CP: variants seen among roughly 807,000 people sequenced by gnomAD.
The protein encoded by CP is caeruloplasmin.
In CP, 64 loss-of-function variants were observed where a neutral mutation model predicts 122.4. The observed-to-expected ratio is 0.52, with a 90% CI of 0.43 to 0.64. The LOEUF (loss-of-function observed/expected upper bound fraction) is 0.64. Ranked by LOEUF, CP falls within the 30% of genes least tolerant of loss-of-function variation. CP has a pLI of 0.00. For missense variants in CP, 1,167 were observed against 1,284.4 expected (o/e 0.91, Z 1.40); for synonymous variants, 440 against 436.4 (o/e 1.01, Z -0.10).
At position 149,221,775 on chromosome 3, in the gene CP, A is replaced by G. The variant is rs199779396; in HGVS notation, c.18T>C (p.Leu6=). Residue 6 remains leucine, a synonymous_variant, in exon 1 of 19, where the codon CTT becomes CTC. Transcript: ENST00000264613. MKILI[L]GIFLFLCSTP... The stretch of plus-strand genomic sequence containing the variant: ...TACTACATAAAAACAGAAAAATACC[A>G]AGTATCAAAATCTTCATTTTTTTCC... 4 of 1,613,802 alleles carry G rather than the reference A, an allele frequency of 2.5e-6. No individual in the cohort carries two copies. The highest frequency in any genetic ancestry group is 1.7e-6 in the Non-Finnish European group (2 of 1,179,788).
In CP at chr3:149,207,448, A is replaced by G; in HGVS notation, c.951T>C (p.Phe317=). The G allele has an allele frequency of 6.2e-7, 1 of 1,614,022 alleles. No individual in the cohort carries two copies. The highest frequency in any genetic ancestry group is 8.5e-7 in the Non-Finnish European group (1 of 1,179,884). Residue 317 remains phenylalanine (F), a synonymous_variant, in exon 5 of 19, where the codon TTT becomes TTC. Coordinates refer to ENST00000264613, the MANE Select transcript of CP (RefSeq NM_000096.4). Reference sequence around the variant, plus strand: ...TATAAGCATCAAACAGGGTAGCAGGAAAGAGGTTGATTGTGTCAATACGGT... The same window carrying G: ...TATAAGCATCAAACAGGGTAGCAGGGAAGAGGTTGATTGTGTCAATACGGT... ...KNYRIDTINL[F]PATLFDAYMV...
At chr3:149,187,123 A>G (rs2108241546) in intron 10 of CP, among the ~76,000 whole-genome samples, 1 of 152,260 alleles carries the variant, frequency 6.6e-6, no homozygotes, top group South Asian at 2.1e-4. Context: ...GCTGTTCTAG[A>G]TTTAAAAAAA....
chr3:149,199,526 C>G (rs1445604222), intron 8 of CP, among the ~76,000 whole-genome samples, 186 bp downstream of exon 8: 6 of 152,142 alleles, frequency 3.9e-5, no homozygotes, highest in Admixed American at 3.9e-4. Flanking sequence ...TAAGGCAGGA[C>G]AAAATTCCGT....
At chr3:149,198,330 G>T (rs536243267) in intron 9 of CP, 37 bp downstream of exon 9, 6 of 1,502,910 alleles carry the variant, frequency 4.0e-6, no homozygotes, top group Non-Finnish European at 5.6e-6. Flanking sequence ...CATTTTCAAA[G>T]AGATTGAACA....
chr3:149,207,322 C>A (rs1312593993), intron 5 of CP, 41 bp downstream of exon 5: 20 of 1,613,270 alleles, frequency 1.2e-5, no homozygotes, highest in Non-Finnish European at 1.6e-5. Flanking sequence ...CAGTAACCAC[C>A]TTTTTCAGCT....
intron 4 of CP, 120 bp downstream of exon 4, chr3:149,209,091 C>A: frequency 7.7e-7 from 1 of 1,294,548 alleles, no homozygotes; most frequent in Admixed American, 2.0e-5. Context: ...ATCCAATATG[C>A]TTTGTTATAA....
At chr3:149,181,874 C>A in intron 14 of CP, 131 bp downstream of exon 14, 1 of 1,031,666 alleles carries the variant, frequency 9.7e-7, no homozygotes, top group Admixed American at 1.9e-5. Flanking sequence ...CAGACACCTC[C>A]TTGCATCCCC....
chr3:149,174,817 A>C (rs1422093640), intron 18 of CP, among the ~76,000 whole-genome samples: 1 of 152,166 alleles, frequency 6.6e-6, no homozygotes, highest in Non-Finnish European at 1.5e-5. Flanking sequence ...TTTTTTATTC[A>C]GTCTGCTGCT....
At chr3:149,190,295 G>T (rs188384255) in intron 9 of CP, among the ~76,000 whole-genome samples, 279 of 152,220 alleles carry the variant, frequency 1.8e-3, no homozygotes, top group Admixed American at 3.5e-3. Context: ...TGCAATTAAT[G>T]TGATCTACTG....
At chr3:149,165,158 C>T (rs1323301698) in intron 5 of CP, among the ~76,000 whole-genome samples, 1 of 152,102 alleles carries the variant, frequency 6.6e-6, no homozygotes, top group Admixed American at 6.6e-5. Context: ...AGATTTTGTT[C>T]ATTTCACGAA....
chr3:149,205,086 C>T (rs992100776), intron 6 of CP, among the ~76,000 whole-genome samples: 2 of 151,180 alleles, frequency 1.3e-5, no homozygotes, highest in African/African-American at 4.9e-5. Flanking sequence ...ACACAAATGA[C>T]CAAAAAGTAC....
chr3:149,191,524 G>A (rs1485491217), intron 9 of CP, among the ~76,000 whole-genome samples: 1 of 144,348 alleles, frequency 6.9e-6, no homozygotes, highest in Non-Finnish European at 1.5e-5. Context: ...CATACTTAGT[G>A]GTAAAATAAA....
chr3:149,182,878 T>TAGTG (rs1262953771), intron 13 of CP, among the ~76,000 whole-genome samples: 1 of 152,124 alleles, frequency 6.6e-6, no homozygotes, highest in Admixed American at 6.6e-5. Flanking sequence ...GGGCCAGGTG[T>TAGTG]AGTGCCTCAC....
rs1316808105 is a variant in CP at position 149,186,327 on chromosome 3, G to A, written c.2077+193C>T. ...GTTCTTTTACTCCACATTGTCCTCA[G>A]TAACTAGGAAACAGACCTATCTGGT... On this transcript the variant is annotated intron_variant, in intron 11 of 18. Coordinates refer to ENST00000264613, the MANE Select transcript of CP (RefSeq NM_000096.4). 6.4e-6 allele frequency: 4 copies of A among 625,562 alleles called. No individual in the cohort carries two copies. The East Asian group carries it at 1.1e-4, about 17-fold the overall frequency. 38.8% of individuals were successfully genotyped at this position (625,562 alleles called of 1,614,324 possible).
downstream of CP, among the ~76,000 whole-genome samples, chr3:149,168,899 G>C (rs1330812267): frequency 6.6e-6 from 1 of 151,932 alleles, no homozygotes; most frequent in Admixed American, 6.6e-5. Context: ...TTACACCTCA[G>C]CATCATCATT....
chr3:149,198,536 A>G lies in CP; in HGVS notation c.1544T>C (p.Phe515Ser), dbSNP rs747715724. 9.3e-6 allele frequency: 15 copies of G among 1,613,988 alleles called. No individual in the cohort carries two copies. The highest frequency in any genetic ancestry group is 2.2e-5 in the East Asian group (1 of 44,890). ...SASHVAPTET[F>S]TYEWTVPKEV... is the part of the protein sequence containing the mutation. Reference sequence around the variant, plus strand: ...TTTGGGGACAGTCCATTCATAGGTGAATGTTTCTGTGGGTGCCACATGGGA... The same window carrying G: ...TTTGGGGACAGTCCATTCATAGGTGGATGTTTCTGTGGGTGCCACATGGGA... Residue 515 changes from phenylalanine to serine, a missense_variant, in exon 9 of 19, where the codon TTC becomes TCC. By Grantham distance (155) the Phe-to-Ser change is radical. Transcript: ENST00000264613.
At position 149,198,367 on chromosome 3, in the gene CP, C is replaced by T; in HGVS notation, c.1713G>A (p.Gln571=). The T allele has an allele frequency of 3.7e-6, 6 of 1,613,322 alleles. No individual in the cohort carries two copies. The highest frequency in any genetic ancestry group is 5.1e-6 in the Non-Finnish European group (6 of 1,179,308). Reference sequence around the variant, plus strand: ...TTTTTTTTTCCCCAGTTGGACTTACCTGTCTCCCATTTGCATGTAAACTTC... The same window carrying T: ...TTTTTTTTTCCCCAGTTGGACTTACTTGTCTCCCATTTGCATGTAAACTTC... The part of the protein sequence containing the change: ...KKGSLHANGR[Q]KDVDKEFYLF... The change falls in exon 9 of 19, where the codon CAG becomes CAA. Residue 571 remains glutamine (Q), a splice_region_variant and synonymous_variant. Coordinates refer to ENST00000264613, the MANE Select transcript of CP (RefSeq NM_000096.4).
At chr3:149,192,617 C>CAA (rs1386454285) in intron 9 of CP, among the ~76,000 whole-genome samples, 1 of 150,276 alleles carries the variant, frequency 6.7e-6, no homozygotes, top group Admixed American at 6.6e-5. Context: ...AAAACACACA[C>CAA]AAAAAAGAAA....
At chr3:149,169,969 G>T (rs924290035), downstream of CP, among the ~76,000 whole-genome samples, 2 of 152,120 alleles carry the variant, frequency 1.3e-5, no homozygotes, top group Non-Finnish European at 2.9e-5. Context: ...GATTTAGGTA[G>T]CTGGTGAGTG....
Sources: gnomAD v4.1 joint callset for allele counts (sites outside exome capture counted in the v4.1 genomes callset) on GRCh38, gnomAD v4.1.1 for gene constraint, MANE v1.5 for transcripts, NCBI Gene and HGNC (gene_info 2026-07-23, HGNC 2026-07-21) for gene names.